The following ZBTB44 variants were observed in gnomAD, a reference collection of about 807,000 sequenced individuals.
The protein encoded by ZBTB44 is zinc finger and BTB domain-containing protein 44.
In ZBTB44, 15 loss-of-function variants were observed where a neutral mutation model predicts 54.0. The ratio of observed to expected loss-of-function variants is 0.28; its 90% CI spans 0.19 to 0.43. The LOEUF is 0.43. Ranked by LOEUF, ZBTB44 falls within the 20% of genes least tolerant of loss-of-function variation. The pLI is 1.00. For synonymous variants in ZBTB44, 230 were observed against 250.1 expected (o/e 0.92, Z 0.76); for missense variants, 487 against 707.1 (o/e 0.69, Z 3.53).
chr11:130,275,071 T>C (rs1939958875), intron 1 of ZBTB44, among the ~76,000 whole-genome samples: 1 of 152,238 alleles, frequency 6.6e-6, no homozygotes. Flanking sequence ...CTTCTGACAT[T>C]TGACATATGA....
intron 1 of ZBTB44, among the ~76,000 whole-genome samples, chr11:130,269,106 A>G (rs561078328): frequency 1.3e-5 from 2 of 151,484 alleles, no homozygotes; most frequent in South Asian, 4.2e-4. Flanking sequence ...CCTGGCCAAC[A>G]TGGTGAAACC....
chr11:130,250,520 A>G (rs1937914192), intron 2 of ZBTB44, among the ~76,000 whole-genome samples: 1 of 152,168 alleles, frequency 6.6e-6, no homozygotes, highest in African/African-American at 2.4e-5. Flanking sequence ...GACACCTCAT[A>G]CAGGAGAGCT....
intron 2 of ZBTB44, among the ~76,000 whole-genome samples, chr11:130,256,938 G>C (rs1008139933): frequency 6.6e-6 from 1 of 152,086 alleles, no homozygotes; most frequent in Non-Finnish European, 1.5e-5. Context: ...CAAATAGGAA[G>C]AGAGGAAGTC....
rs71061377 is a variant in ZBTB44 at position 130,283,969 on chromosome 11, C to CAAAAAAAAAAAAAAAAAAAAA, written c.-56-22061_-56-22041dup. On this transcript the variant is annotated intron_variant, in intron 1 of 7. Coordinates refer to ENST00000357899, the MANE Select transcript of ZBTB44 (RefSeq NM_001301098.2). ...TGGGTGACAGAGTAAGACTCCATCTCAAAAAAAAAAAAAAAAAAAAAAAAA... is the reference window on the plus strand; with the variant it reads ...TGGGTGACAGAGTAAGACTCCATCTCAAAAAAAAAAAAAAAAAAAAAAAAAAAAAAAAAAAAAAAAAAAAAA... Among the ~76,000 whole-genome samples the CAAAAAAAAAAAAAAAAAAAAA allele has an allele frequency of 4.0e-4, 18 of 45,174 alleles. 3 individuals carry two copies. The highest frequency in any genetic ancestry group is 1.8e-3 in the South Asian group (2 of 1,130). 29.6% of individuals were successfully genotyped at this position (45,174 alleles called of 152,430 possible). A position where few individuals can be genotyped will look rare whatever the true frequency, so the allele number is the denominator to read the frequency against.
chr11:130,246,298 T>TAC (rs1174987662), intron 2 of ZBTB44, among the ~76,000 whole-genome samples: 1 of 152,150 alleles, frequency 6.6e-6, no homozygotes, highest in Non-Finnish European at 1.5e-5. Context: ...CATATATATA[T>TAC]ACACACACAT....
At chr11:130,281,900 C>T (rs780953044) in intron 1 of ZBTB44, among the ~76,000 whole-genome samples, 40 of 152,108 alleles carry the variant, frequency 2.6e-4, no homozygotes, top group Admixed American at 2.5e-3. Context: ...CCACCGCGCC[C>T]GGCCTATTGT....
intron 1 of ZBTB44, among the ~76,000 whole-genome samples, chr11:130,298,088 G>A (rs1444700356): frequency 6.6e-6 from 1 of 151,774 alleles, no homozygotes; most frequent in Non-Finnish European, 1.5e-5. Flanking sequence ...AAATGTGTAT[G>A]CTTCAAAATA....
At chr11:130,249,523 G>A (rs1937817323) in intron 2 of ZBTB44, among the ~76,000 whole-genome samples, 1 of 152,124 alleles carries the variant, frequency 6.6e-6, no homozygotes, top group Non-Finnish European at 1.5e-5. Flanking sequence ...GGCCGAATAG[G>A]AACAGCTCCA....
At chr11:130,300,734 G>A (rs1012031023) in intron 1 of ZBTB44, among the ~76,000 whole-genome samples, 1 of 152,116 alleles carries the variant, frequency 6.6e-6, no homozygotes, top group African/African-American at 2.4e-5. Flanking sequence ...TAGCCACAGA[G>A]GAATCACTGA....
chr11:130,285,622 A>C (rs571202856), intron 1 of ZBTB44: 2 of 244,718 alleles, frequency 8.2e-6, no homozygotes, highest in East Asian at 2.0e-4. Context: ...TAAGCTTCCC[A>C]TTCTGTTGGA....
At chr11:130,312,204 T>C (rs1261418227) in intron 1 of ZBTB44, among the ~76,000 whole-genome samples, 2 of 152,356 alleles carry the variant, frequency 1.3e-5, no homozygotes, top group South Asian at 2.1e-4. Context: ...AAAGTCATCA[T>C]GGGTGCTAAA....
chr11:130,291,009 G>A (rs11826050), intron 1 of ZBTB44, among the ~76,000 whole-genome samples: 9,502 of 152,144 alleles, frequency 0.062, 737 homozygotes, highest in African/African-American at 0.18. Flanking sequence ...TTTTCCATAT[G>A]TATCATACAT....
At chr11:130,303,722 T>C (rs1942110365) in intron 1 of ZBTB44, among the ~76,000 whole-genome samples, 1 of 151,666 alleles carries the variant, frequency 6.6e-6, no homozygotes, top group South Asian at 2.1e-4. Context: ...AGCAATATCC[T>C]GAAGTAAAAG....
At chr11:130,233,181 T>C (rs768283183) in intron 7 of ZBTB44, 127 bp downstream of exon 7, 2 of 1,277,572 alleles carry the variant, frequency 1.6e-6, no homozygotes, top group Admixed American at 2.3e-5. Flanking sequence ...AACATATTGA[T>C]GGGGCAGGGG....
intron 5 of ZBTB44, among the ~76,000 whole-genome samples, chr11:130,236,452 T>C (rs537806628): frequency 4.2e-4 from 64 of 152,348 alleles, no homozygotes; most frequent in African/African-American, 1.5e-3. Flanking sequence ...TCACTAAGCA[T>C]CATCTGACAT....
intron 1 of ZBTB44, among the ~76,000 whole-genome samples, chr11:130,272,062 T>G (rs1301739518): frequency 8.5e-5 from 13 of 152,134 alleles, no homozygotes; most frequent in Non-Finnish European, 2.9e-5. Context: ...AAGCCCGAAC[T>G]CTACTAAAAA....
chr11:130,248,421 A>G (rs935463100), intron 2 of ZBTB44, among the ~76,000 whole-genome samples: 20 of 151,902 alleles, frequency 1.3e-4, no homozygotes, highest in Admixed American at 1.3e-3. Context: ...GCAGGCGATC[A>G]CTTGAGGTCA....
Position 130,236,887 on chromosome 11 carries a change from A to G in ZBTB44, c.1474T>C (p.Cys492Arg). 1.3e-6 allele frequency: 2 copies of G among 1,556,862 alleles called. No individual in the cohort carries two copies. Among genetic ancestry groups the G allele is most frequent in the Non-Finnish European group, 8.7e-7 (1 of 1,153,122 alleles). The change falls in exon 5 of 8, where the codon TGT becomes CGT. Residue 492 changes from cysteine to arginine, a missense_variant. Transcript: ENST00000357899. ...RKPRIYECKT[C>R]GAMFTNSGNL... ...CCAGAGTTGGTGAACATGGCGCCAC[A>G]TGTTTTGCACTCGTAAATCCGAGGC...
chr11:130,299,144 A>G (rs1941849656), intron 1 of ZBTB44, among the ~76,000 whole-genome samples: 2 of 152,110 alleles, frequency 1.3e-5, no homozygotes, highest in Non-Finnish European at 2.9e-5. Flanking sequence ...TATAGTACAG[A>G]ATATACATTC....
Sources: gnomAD v4.1 joint callset for allele counts (sites outside exome capture counted in the v4.1 genomes callset) on GRCh38, gnomAD v4.1.1 for gene constraint, MANE v1.5 for transcripts, NCBI Gene and HGNC (gene_info 2026-07-23, HGNC 2026-07-21) for gene names.